RYR2: variants seen among roughly 807,000 people sequenced by gnomAD.
RYR2 encodes the protein ryanodine receptor 2.
In RYR2, 227 loss-of-function variants were observed where a neutral mutation model predicts 601.1. The observed-to-expected ratio is 0.38, with a 90% CI of 0.34 to 0.42. The LOEUF (loss-of-function observed/expected upper bound fraction) is 0.42, where lower values mean the gene tolerates loss of function less well. RYR2 is among the 10% of genes least tolerant of loss of function. The pLI is 1.00. For synonymous variants in RYR2, 2,223 were observed against 2,175.1 expected (o/e 1.02, Z -0.61); for missense variants, 4,646 against 6,156.5 (o/e 0.75, Z 8.21).
chr1:237,371,319 C>G (rs1700625128), intron 6 of RYR2, among the ~76,000 whole-genome samples: 1 of 152,060 alleles, frequency 6.6e-6, no homozygotes, highest in South Asian at 2.1e-4. Flanking sequence ...CCACGCCTGG[C>G]TAATTTTTAA....
Position 237,655,915 on chromosome 1 carries a change from G to T in RYR2, c.8060G>T (p.Ser2687Ile). Residue 2687 changes from serine (S) to isoleucine (I), a missense_variant, in exon 53 of 105, where the codon AGT becomes ATT. This residue lies in a region of RYR2 where 1,497 missense variants were observed against 1,842.6 expected (regional missense o/e 0.81). Coordinates refer to ENST00000366574, the MANE Select transcript of RYR2 (RefSeq NM_001035.3). Reference sequence around the variant, plus strand: ...GACTACATGGAGTCAAATTATGTCAGTATGATGGAAAAACAGTCATCAATG... The same window carrying T: ...GACTACATGGAGTCAAATTATGTCATTATGATGGAAAAACAGTCATCAATG... ...PPDYMESNYVSMMEKQSSMDS... is the reference protein window; with the variant it reads ...PPDYMESNYVIMMEKQSSMDS... 1 of 1,612,942 alleles carries T rather than the reference G, an allele frequency of 6.2e-7. No homozygotes were observed. Among genetic ancestry groups the T allele is most frequent in the Non-Finnish European group, 8.5e-7 (1 of 1,179,392 alleles).
chr1:237,805,617 G>A (rs531644354), intron 98 of RYR2, among the ~76,000 whole-genome samples: 8 of 144,482 alleles, frequency 5.5e-5, no homozygotes, highest in African/African-American at 1.5e-4. Context: ...TATAGTGTAC[G>A]AAGATGAAGT....
At chr1:237,222,650 G>A (rs989983357) in intron 1 of RYR2, among the ~76,000 whole-genome samples, 10 of 152,100 alleles carry the variant, frequency 6.6e-5, no homozygotes, top group African/African-American at 1.9e-4. Flanking sequence ...AGGTTTTGAC[G>A]ATACCTGCAA....
chr1:237,598,094 A>G (rs1676080394), intron 34 of RYR2, among the ~76,000 whole-genome samples: 1 of 152,258 alleles, frequency 6.6e-6, no homozygotes, highest in South Asian at 2.1e-4. Flanking sequence ...TCATTAATAG[A>G]AAAGGATCAG....
intron 17 of RYR2, chr1:237,471,337 G>C (rs1660703227): frequency 6.6e-6 from 1 of 152,190 alleles, no homozygotes; most frequent in Admixed American, 6.5e-5. Flanking sequence ...TTTTGGGACT[G>C]CTCTTCATTA....
intron 38 of RYR2, among the ~76,000 whole-genome samples, chr1:237,620,203 T>A (rs1678925290): frequency 6.6e-6 from 1 of 151,952 alleles, no homozygotes; most frequent in African/African-American, 2.4e-5. Context: ...GGAGATAAGG[T>A]TTCTATCCTT....
In RYR2 at chr1:237,614,141, G is replaced by C; in HGVS notation, c.5013G>C (p.Arg1671=). 1.2e-6 allele frequency: 2 copies of C among 1,613,984 alleles called. No individual in the cohort carries two copies. The highest frequency in any genetic ancestry group is 1.7e-6 in the Non-Finnish European group (2 of 1,179,900). Residue 1671 remains arginine, a synonymous_variant, in exon 37 of 105, where the codon CGG becomes CGC. Coordinates refer to ENST00000366574, the MANE Select transcript of RYR2 (RefSeq NM_001035.3). The surrounding 1 kb of genome is among the most constrained non-coding windows in gnomAD (Gnocchi z 4.3). The stretch of plus-strand genomic sequence containing the variant: ...CCGTCTGTGCTCTTGGGAACCACCG[G>C]GTGGCCCATGCCCTGTGCAGCCATG... The part of the protein sequence containing the change: ...YSAVCALGNH[R]VAHALCSHVD...
At chr1:237,633,743 T>C (rs773222639) in intron 43 of RYR2, 33 bp downstream of exon 43, 1 of 1,576,952 alleles carries the variant, frequency 6.3e-7, no homozygotes, top group Non-Finnish European at 8.6e-7. Context: ...ATCTTTAAGG[T>C]TGAAATAATA....
In RYR2 at chr1:237,627,797, G is replaced by T; in HGVS notation, c.6167-10G>T. On this transcript the variant is annotated splice_polypyrimidine_tract_variant and intron_variant, in intron 40 of 104. Transcript: ENST00000366574. ...TTTTCTTTTAAAAAATATCCATAAT[G>T]ACTTTGCAGCCACTCTGCAGCAGCT... 2 of 1,583,836 alleles carry T rather than the reference G, an allele frequency of 1.3e-6. No homozygotes were observed. Among genetic ancestry groups the T allele is most frequent in the South Asian group, 1.1e-5 (1 of 88,416 alleles).
chr1:237,264,102 C>A (rs1421550113), intron 1 of RYR2, among the ~76,000 whole-genome samples: 1 of 151,764 alleles, frequency 6.6e-6, no homozygotes, highest in East Asian at 1.9e-4. Flanking sequence ...CACACACACA[C>A]ACACACACAC....
At chr1:237,639,222 C>T (rs755995835) in intron 46 of RYR2, 21 bp downstream of exon 46, 2 of 1,586,386 alleles carry the variant, frequency 1.3e-6, no homozygotes, top group African/African-American at 1.3e-5. Flanking sequence ...TATACACACC[C>T]TCACGAGTGA....
At position 237,379,762 on chromosome 1, in the gene RYR2, A is replaced by G. The variant is rs1332397817; in HGVS notation, c.576+2327A>G. On this transcript the variant is annotated intron_variant, in intron 8 of 104. Transcript: ENST00000366574. ...CTCCCGAGTGGCTGGGACTACAGGC[A>G]TGAGCCACACCTTGCCCAGCCTGTG... is the stretch of plus-strand genomic sequence containing the variant. 4.6e-5 allele frequency among the ~76,000 whole-genome samples: 7 copies of G among 152,262 alleles called. No individual in the cohort carries two copies. In the East Asian group the frequency reaches 1.2e-3, roughly 25 times the overall value.
At chr1:237,331,852 C>T (rs533772674) in intron 3 of RYR2, among the ~76,000 whole-genome samples, 2 of 152,056 alleles carry the variant, frequency 1.3e-5, no homozygotes, top group African/African-American at 2.4e-5. Context: ...AAGTATTTTT[C>T]TTTCAAAGCC....
rs1000511710 is a variant in RYR2, at chr1:237,736,380, G to A, written c.11091+2624G>A. ...GGAGGCTGAGGCAGGAGAATTGCTT[G>A]AATCTGGGAGGCGGAAAGTTGCAGT... On this transcript the variant is annotated intron_variant, in intron 79 of 104. Transcript: ENST00000366574. Among the ~76,000 whole-genome samples the A allele has an allele frequency of 6.0e-5, 9 of 149,980 alleles. No homozygotes were observed. The Admixed American group carries it at 6.0e-4, about 10-fold the overall frequency.
chr1:237,628,879 G>A (rs1016914404), intron 41 of RYR2, among the ~76,000 whole-genome samples: 12 of 152,036 alleles, frequency 7.9e-5, no homozygotes, highest in African/African-American at 2.9e-4. Flanking sequence ...TATCTATTGG[G>A]CCTTGGAAAA....
At chr1:237,213,186 A>AT (rs57655964) in intron 1 of RYR2, among the ~76,000 whole-genome samples, 40 of 150,874 alleles carry the variant, frequency 2.7e-4, no homozygotes, top group Admixed American at 8.6e-4. Context: ...GTTTTTAAAT[A>AT]TTTTTTTTTG....
chr1:237,442,118 T>C (rs1707959978), intron 13 of RYR2, among the ~76,000 whole-genome samples: 1 of 152,208 alleles, frequency 6.6e-6, no homozygotes, highest in Non-Finnish European at 1.5e-5. Context: ...ACCTGCTAAC[T>C]TGGTCTTCAA....
intron 76 of RYR2, among the ~76,000 whole-genome samples, chr1:237,728,420 A>G (rs914278049): frequency 2.6e-5 from 4 of 152,140 alleles, no homozygotes; most frequent in African/African-American, 7.2e-5. Flanking sequence ...TAACCCAGCA[A>G]TCCCATGACT....
intron 63 of RYR2, among the ~76,000 whole-genome samples, chr1:237,689,655 G>T (rs1462107384): frequency 2.0e-5 from 3 of 151,920 alleles, no homozygotes; most frequent in African/African-American, 7.3e-5. Context: ...TATTTTTAAG[G>T]GGAATTTATT....
Sources: gnomAD v4.1 joint callset for allele counts (sites outside exome capture counted in the v4.1 genomes callset) on GRCh38, gnomAD v4.1.1 for gene constraint, gnomAD v4.1.1 regional missense constraint, Gnocchi (gnomAD v3.1) non-coding constraint, MANE v1.5 for transcripts, NCBI Gene and HGNC (gene_info 2026-07-23, HGNC 2026-07-21) for gene names.